Variants in SRP19 observed in about 807,000 individuals in gnomAD.
SRP19 encodes signal recognition particle 19 kDa protein.
SRP19 carries 11 observed loss-of-function variants against 22.4 expected under a neutral mutation model. That is an observed-to-expected ratio of 0.49 (90% CI 0.31 to 0.81). The LOEUF is 0.81. SRP19 is among the 40% of genes least tolerant of loss of function. The probability of loss-of-function intolerance (pLI) is 0.05; values close to 1 mark genes in which losing one functional copy is unlikely to be tolerated. For missense variants in SRP19, 168 were observed against 175.9 expected (o/e 0.96, Z 0.25); for synonymous variants, 61 against 57.6 (o/e 1.06, Z -0.27).
intron 4 of SRP19, 82 bp from the exon 5 acceptor site, chr5:112,867,322 T>G: frequency 6.0e-6 from 9 of 1,487,656 alleles, no homozygotes; most frequent in Middle Eastern, 1.8e-4. Flanking sequence ...TGATAGTTTC[T>G]TACACTTTGT....
At chr5:112,887,168 A>G (rs976289290) in intron 4 of SRP19, 3 of 1,602,776 alleles carry the variant, frequency 1.9e-6, no homozygotes, top group Non-Finnish European at 8.5e-7. Flanking sequence ...GCCATGCACC[A>G]CAACAGGAAG....
chr5:112,878,981 C>A, intron 4 of SRP19: 1 of 1,310,488 alleles, frequency 7.6e-7, no homozygotes, highest in Non-Finnish European at 1.1e-6. Flanking sequence ...GGTTTGTGGT[C>A]TGGGCTAAGA....
intron 4 of SRP19, among the ~76,000 whole-genome samples, chr5:112,876,082 T>TAA (rs1472154996): frequency 1.3e-5 from 2 of 152,108 alleles, no homozygotes; most frequent in Non-Finnish European, 2.9e-5. Flanking sequence ...TACACTATCT[T>TAA]AAGTCATAGG....
chr5:112,861,819 C>T (rs1443724283), intron 1 of SRP19, among the ~76,000 whole-genome samples: 1 of 152,208 alleles, frequency 6.6e-6, no homozygotes, highest in Non-Finnish European at 1.5e-5. Flanking sequence ...GGCCCATTCT[C>T]AGGAACTTTT....
intron 4 of SRP19, chr5:112,887,076 G>A (rs1768273778): frequency 6.2e-7 from 1 of 1,613,716 alleles, no homozygotes; most frequent in Non-Finnish European, 8.5e-7. Context: ...TGACCACACT[G>A]TCCATCTGGG....
downstream of SRP19, among the ~76,000 whole-genome samples, chr5:112,872,161 A>C (rs1641406250): frequency 6.6e-6 from 1 of 152,184 alleles, no homozygotes; most frequent in Non-Finnish European, 1.5e-5. Context: ...CAGAGTTTAC[A>C]TTATACATTC....
intron 4 of SRP19, among the ~76,000 whole-genome samples, chr5:112,879,445 A>G (rs1768001774): frequency 6.6e-6 from 1 of 152,040 alleles, no homozygotes; most frequent in Non-Finnish European, 1.5e-5. Flanking sequence ...ATTTCCATAT[A>G]ACCTATGTGC....
chr5:112,866,955 T>C (rs759603693), intron 4 of SRP19, among the ~76,000 whole-genome samples: 4 of 152,180 alleles, frequency 2.6e-5, no homozygotes, highest in Non-Finnish European at 5.9e-5. Flanking sequence ...CAGGAATGCA[T>C]GTAAGTGTAG....
At chr5:112,863,838 AT>A (rs890101635) in intron 2 of SRP19, among the ~76,000 whole-genome samples, 22 of 151,946 alleles carry the variant, frequency 1.4e-4, no homozygotes, top group African/African-American at 4.6e-4. Context: ...CTACTTTGGT[AT>A]TTTTTTGTAG....
At chr5:112,862,983 G>C (rs1767464290) in intron 2 of SRP19, among the ~76,000 whole-genome samples, 2 of 152,112 alleles carry the variant, frequency 1.3e-5, no homozygotes, top group Admixed American at 1.3e-4. Context: ...AGAAAGTTCA[G>C]CCCTGTTGAG....
At chr5:112,871,060 G>T (rs369567572), downstream of SRP19, among the ~76,000 whole-genome samples, 20 of 152,090 alleles carry the variant, frequency 1.3e-4, no homozygotes, top group East Asian at 1.7e-3. Context: ...CACCATGTTG[G>T]CCAGGCTGGT....
downstream of SRP19, among the ~76,000 whole-genome samples, chr5:112,873,437 C>T (rs55798475): frequency 0.011 from 1,614 of 149,976 alleles, 23 homozygotes; most frequent in Non-Finnish European, 0.013. Context: ...ACCTCTGCCT[C>T]CTGGGTTCAA....
rs1349766670 is a variant in SRP19 at position 112,869,398 on chromosome 5, C to T, written c.*1861C>T. 6.6e-6 allele frequency: 1 copy of T among 152,212 alleles called. No individual in the cohort carries two copies. Among genetic ancestry groups the T allele is most frequent in the African/African-American group, 2.4e-5 (1 of 41,460 alleles). The allele number at this position is 152,212 out of a possible 1,614,324, so 9.4% of individuals were successfully genotyped here. ...ATTTCTCAAAATTCCTCCCAGCAGG[C>T]TTTCACTTAGTTTCATTGTTGAGAA... is the stretch of plus-strand genomic sequence containing the variant. On this transcript the variant is annotated 3_prime_UTR_variant, in exon 5 of 5. Coordinates refer to ENST00000505459, the MANE Select transcript of SRP19 (RefSeq NM_003135.3).
intron 4 of SRP19, among the ~76,000 whole-genome samples, chr5:112,879,017 C>A (rs138456295): frequency 6.6e-6 from 1 of 151,736 alleles, no homozygotes; most frequent in South Asian, 2.1e-4. Context: ...GGAGAAGGTA[C>A]CTCTTAGAGC....
chr5:112,885,619 C>G, intron 4 of SRP19: 1 of 281,778 alleles, frequency 3.5e-6, no homozygotes, highest in Non-Finnish European at 7.5e-6. Context: ...CTTCAAATGT[C>G]CTTCCCCAGG....
Position 112,861,394 on chromosome 5 carries a change from G to A in SRP19, c.18G>A (p.Ala6=), listed in dbSNP as rs752471701. 29 of 1,614,020 alleles carry A rather than the reference G, an allele frequency of 1.8e-5. No homozygotes were observed. Among genetic ancestry groups the A allele is most frequent in the Non-Finnish European group, 2.5e-5 (29 of 1,180,040 alleles). MACAA[A]RSPADQDRFI... ...TTGTGAAGATGGCTTGCGCTGCCGC[G>A]CGGTCCCCGGCCGACCAGGACAGGT... Residue 6 remains alanine (A), a synonymous_variant, in exon 1 of 5, where the codon GCG becomes GCA. Transcript: ENST00000505459.
At chr5:112,864,786 A>T in intron 4 of SRP19, 54 bp downstream of exon 4, 1 of 1,380,884 alleles carries the variant, frequency 7.2e-7, no homozygotes, top group Non-Finnish European at 1.0e-6. Context: ...CTCCTACACA[A>T]CACAAAAAAG....
chr5:112,867,369 C>T (rs767535808), intron 4 of SRP19, 35 bp from the exon 5 acceptor site: 2 of 1,580,866 alleles, frequency 1.3e-6, no homozygotes, highest in East Asian at 4.5e-5. Flanking sequence ...TCTTATTTCT[C>T]AGATTATACA....
chr5:112,878,573 G>A (rs867975296), intron 4 of SRP19: 2 of 582,986 alleles, frequency 3.4e-6, no homozygotes, highest in Admixed American at 3.7e-5. Flanking sequence ...TTCCAAAAAC[G>A]TGGACACTGC....
Sources: gnomAD v4.1 joint callset for allele counts (sites outside exome capture counted in the v4.1 genomes callset) on GRCh38, gnomAD v4.1.1 for gene constraint, MANE v1.5 for transcripts, NCBI Gene and HGNC (gene_info 2026-07-23, HGNC 2026-07-21) for gene names.